Variants in SCD5 observed in about 807,000 individuals in gnomAD.
SCD5 encodes stearoyl-CoA desaturase 5.
In SCD5, 20 loss-of-function variants were observed where a neutral mutation model predicts 30.4. That is an observed-to-expected ratio of 0.66 (90% confidence interval 0.46 to 0.96). The LOEUF is 0.96. Among genes scored for constraint, SCD5 ranks in the 40% least tolerant of loss-of-function variants. The probability of loss-of-function intolerance (pLI) is 0.00; values close to 1 mark genes in which losing one functional copy is unlikely to be tolerated. For missense variants in SCD5, 381 were observed against 443.3 expected, an observed-to-expected ratio of 0.86 and a Z score of 1.26; for synonymous variants, 173 against 176.4, an observed-to-expected ratio of 0.98 and a Z score of 0.16.
At chr4:82,700,830 T>C (rs1425816862) in intron 2 of SCD5, among the ~76,000 whole-genome samples, 1 of 123,240 alleles carries the variant, frequency 8.1e-6, no homozygotes, top group Non-Finnish European at 1.7e-5. Flanking sequence ...AAAAAAGACA[T>C]TCTCAGACAA....
chr4:82,663,263 G>A (rs181148512), intron 3 of SCD5, among the ~76,000 whole-genome samples: 17 of 152,308 alleles, frequency 1.1e-4, no homozygotes, highest in Non-Finnish European at 1.6e-4. Flanking sequence ...TACCACACAA[G>A]TAGATAAGAA....
Position 82,705,338 on chromosome 4 carries a change from C to T in SCD5, c.308G>A (p.Arg103Gln), listed in dbSNP as rs370815734. 2.3e-5 allele frequency: 37 copies of T among 1,614,112 alleles called. No homozygotes were observed. The highest frequency in any genetic ancestry group is 1.2e-4 in the African/African-American group (9 of 74,948). ...AAATATCCTCAGAGGCAGCTTGGCC[C>T]GGTAGGACCTGTGGCTCCACAAGCG... ...AHRLWSHRSY[R>Q]AKLPLRIFLA... is the part of the protein sequence containing the mutation. The change falls in exon 2 of 5, where the codon CGG (arginine) becomes CAG (glutamine). Residue 103 changes from arginine (R) to glutamine (Q), a missense_variant. Transcript: ENST00000319540.
At chr4:82,656,373 G>A (rs531769139) in intron 3 of SCD5, among the ~76,000 whole-genome samples, 14 of 152,056 alleles carry the variant, frequency 9.2e-5, no homozygotes, top group African/African-American at 2.7e-4. Flanking sequence ...CTGTTCCTGC[G>A]TTAGTTTGCT....
At position 82,798,637 on chromosome 4, in the gene SCD5, G is replaced by T. The variant is rs1043760386; in HGVS notation, c.-100C>A. ...GCGGGGGCTTCTGCCTTTTAGGGGGGAATTCTCCGCACGTCCAGTCCCCTC... is the reference window on the plus strand; with the variant it reads ...GCGGGGGCTTCTGCCTTTTAGGGGGTAATTCTCCGCACGTCCAGTCCCCTC... On this transcript the variant is annotated 5_prime_UTR_variant, in exon 1 of 5. Coordinates refer to ENST00000319540, the MANE Select transcript of SCD5 (RefSeq NM_001037582.3). The T allele has an allele frequency of 2.9e-6, 3 of 1,026,364 alleles. No individual in the cohort carries two copies. Among genetic ancestry groups the T allele is most frequent in the Admixed American group, 2.8e-5 (1 of 35,782 alleles). 63.6% of individuals were successfully genotyped at this position (1,026,364 alleles called of 1,614,324 possible).
chr4:82,654,352 G>A (rs933367688), intron 3 of SCD5, among the ~76,000 whole-genome samples: 1 of 152,148 alleles, frequency 6.6e-6, no homozygotes, highest in Non-Finnish European at 1.5e-5. Flanking sequence ...TCAGCTGGTA[G>A]GTTGACAATG....
At chr4:82,790,933 A>G (rs1560564728) in intron 1 of SCD5, among the ~76,000 whole-genome samples, 1 of 152,188 alleles carries the variant, frequency 6.6e-6, no homozygotes, top group Non-Finnish European at 1.5e-5. Context: ...TCTGACAATC[A>G]TTGGAACTTA....
chr4:82,798,287 G>T lies in SCD5; in HGVS notation c.232+19C>A, dbSNP rs746945105. On this transcript the variant is annotated intron_variant, in intron 1 of 4. Transcript: ENST00000319540. ...CTGGCCACGGAGGCCGGGGCGCAGG[G>T]GGCGCCGGCGGGACTTACCCCAGAG... 6.4e-7 allele frequency: 1 copy of T among 1,553,724 alleles called. No individual in the cohort carries two copies. Among genetic ancestry groups the T allele is most frequent in the South Asian group, 1.2e-5 (1 of 84,556 alleles).
rs190270846 is a variant in SCD5, at chr4:82,683,542, T to C, written c.364-2630A>G. On this transcript the variant is annotated intron_variant, in intron 2 of 4. Coordinates refer to ENST00000319540, the MANE Select transcript of SCD5 (RefSeq NM_001037582.3). Reference sequence around the variant, plus strand: ...CATTTCCATCAACAAAATATTTCCCTTACTCTCCAAATGTTGCAGGGAGGG... The same window carrying C: ...CATTTCCATCAACAAAATATTTCCCCTACTCTCCAAATGTTGCAGGGAGGG... Among the ~76,000 whole-genome samples the C allele has an allele frequency of 3.6e-3, 541 of 152,334 alleles. 3 individuals carry two copies. The highest frequency in any genetic ancestry group is 5.7e-3 in the Non-Finnish European group (386 of 68,030).
chr4:82,697,005 C>G (rs1458042542), intron 2 of SCD5, among the ~76,000 whole-genome samples: 2 of 152,234 alleles, frequency 1.3e-5, no homozygotes. Context: ...TTCCCCAATT[C>G]TAACCTCCTG....
intron 1 of SCD5, among the ~76,000 whole-genome samples, chr4:82,706,830 G>A (rs1719981793): frequency 6.6e-6 from 1 of 152,236 alleles, no homozygotes; most frequent in Non-Finnish European, 1.5e-5. Flanking sequence ...CCTGCACAGT[G>A]TGTCCTAGTT....
At chr4:82,684,739 T>C (rs1728659697) in intron 2 of SCD5, among the ~76,000 whole-genome samples, 1 of 152,146 alleles carries the variant, frequency 6.6e-6, no homozygotes, top group East Asian at 1.9e-4. Context: ...CCCCCAGCGG[T>C]ATCCTGATAA....
chr4:82,648,832 G>C (rs957538915), intron 3 of SCD5, among the ~76,000 whole-genome samples: 4 of 152,148 alleles, frequency 2.6e-5, no homozygotes, highest in African/African-American at 9.7e-5. Flanking sequence ...CTCTCGGTGA[G>C]ACCTGAAGGA....
intron 2 of SCD5, among the ~76,000 whole-genome samples, chr4:82,685,784 T>C (rs1406177077): frequency 6.6e-6 from 1 of 152,194 alleles, no homozygotes; most frequent in South Asian, 2.1e-4. Context: ...TTAATTTTAA[T>C]AATATATTTT....
At chr4:82,708,767 C>T (rs1169166641) in intron 1 of SCD5, among the ~76,000 whole-genome samples, 1 of 152,176 alleles carries the variant, frequency 6.6e-6, no homozygotes, top group Non-Finnish European at 1.5e-5. Context: ...GTTAAAACTC[C>T]CTTAATCCTG....
chr4:82,710,574 AG>A (rs770771758), intron 1 of SCD5, among the ~76,000 whole-genome samples: 21 of 152,122 alleles, frequency 1.4e-4, no homozygotes, highest in East Asian at 5.8e-4. Flanking sequence ...TGAGGAGAGG[AG>A]GGGGAAGCCA....
intron 4 of SCD5, among the ~76,000 whole-genome samples, chr4:82,635,394 C>A (rs897154475): frequency 3.3e-5 from 5 of 151,932 alleles, no homozygotes; most frequent in Non-Finnish European, 7.4e-5. Context: ...CCGAGGCAGG[C>A]GGATCATGAG....
intron 3 of SCD5, among the ~76,000 whole-genome samples, chr4:82,657,971 C>A (rs1727900226): frequency 6.6e-6 from 1 of 152,176 alleles, no homozygotes; most frequent in Non-Finnish European, 1.5e-5. Flanking sequence ...GCTGAAGTTG[C>A]TTATCAGCTT....
chr4:82,759,535 T>C (rs573423360), intron 1 of SCD5, among the ~76,000 whole-genome samples: 1 of 152,010 alleles, frequency 6.6e-6, no homozygotes, highest in Admixed American at 6.6e-5. Flanking sequence ...CTCAGGATCA[T>C]TTCAGCTGGG....
chr4:82,714,880 T>C (rs944090048), intron 1 of SCD5, among the ~76,000 whole-genome samples: 4 of 149,232 alleles, frequency 2.7e-5, no homozygotes, highest in African/African-American at 1.0e-4. Flanking sequence ...GGATAAGGGA[T>C]ACTCAACCTG....
Sources: gnomAD v4.1 joint callset for allele counts (sites outside exome capture counted in the v4.1 genomes callset) on GRCh38, gnomAD v4.1.1 for gene constraint, MANE v1.5 for transcripts, NCBI Gene and HGNC (gene_info 2026-07-23, HGNC 2026-07-21) for gene names.